SNX29: variants seen among roughly 807,000 people sequenced by gnomAD.
SNX29 encodes sorting nexin-29.
A neutral mutation model predicts 102.1 loss-of-function variants in SNX29; 78 were observed. The ratio of observed to expected loss-of-function variants is 0.76; its 90% CI spans 0.64 to 0.92. SNX29 has a LOEUF of 0.92. Among genes scored for constraint, SNX29 ranks in the 40% least tolerant of loss-of-function variants. The pLI, the probability that SNX29 is intolerant of heterozygous loss-of-function variation, is 0.00. For synonymous variants in SNX29, 580 were observed against 414.5 expected, an observed-to-expected ratio of 1.40 and a Z score of -4.85; for missense variants, 1,280 against 1,061.7, an observed-to-expected ratio of 1.21 and a Z score of -2.86.
At chr16:12,117,107 T>C (rs1398396521) in intron 11 of SNX29, among the ~76,000 whole-genome samples, 16 of 113,504 alleles carry the variant, frequency 1.4e-4, no homozygotes, top group East Asian at 3.1e-4. Flanking sequence ...CGTGCTTCAG[T>C]GCGGACGAAC....
At chr16:12,113,910 T>C (rs1288093630) in intron 11 of SNX29, among the ~76,000 whole-genome samples, 2 of 152,236 alleles carry the variant, frequency 1.3e-5, no homozygotes, top group African/African-American at 4.8e-5. Flanking sequence ...ATCTGAGAGC[T>C]AGAAGGATTC....
chr16:12,457,911 G>T (rs1163763471), intron 18 of SNX29, among the ~76,000 whole-genome samples: 1 of 152,190 alleles, frequency 6.6e-6, no homozygotes, highest in African/African-American at 2.4e-5. Context: ...TCCTCGTGAT[G>T]ACTAATACAT....
chr16:12,210,622 C>T (rs1309449162), intron 14 of SNX29, among the ~76,000 whole-genome samples: 2 of 152,118 alleles, frequency 1.3e-5, no homozygotes, highest in Non-Finnish European at 2.9e-5. Flanking sequence ...GAGCTTCCAC[C>T]ACCTTTCTGG....
chr16:12,311,067 T>C (rs765305168), intron 15 of SNX29, among the ~76,000 whole-genome samples: 1 of 152,220 alleles, frequency 6.6e-6, no homozygotes, highest in Non-Finnish European at 1.5e-5. Context: ...ATAAGGTTTC[T>C]TGTAAAAAGA....
chr16:12,393,572 GA>G (rs1279885134), intron 16 of SNX29, among the ~76,000 whole-genome samples: 1 of 152,162 alleles, frequency 6.6e-6, no homozygotes, highest in African/African-American at 2.4e-5. Flanking sequence ...AACCAGCGTG[GA>G]GTCATTACAA....
intron 13 of SNX29, among the ~76,000 whole-genome samples, chr16:12,180,679 G>T (rs2076363394): frequency 6.6e-6 from 1 of 152,122 alleles, no homozygotes; most frequent in Non-Finnish European, 1.5e-5. Context: ...TAGAGACGGG[G>T]TTTCACCGTG....
chr16:12,494,476 G>A (rs1234203598), intron 19 of SNX29, among the ~76,000 whole-genome samples: 3 of 152,156 alleles, frequency 2.0e-5, no homozygotes, highest in Admixed American at 6.5e-5. Flanking sequence ...ACGTTGGGCC[G>A]CAGATTGCAT....
At chr16:12,287,093 A>G (rs2079622504) in intron 15 of SNX29, among the ~76,000 whole-genome samples, 1 of 152,238 alleles carries the variant, frequency 6.6e-6, no homozygotes, top group Non-Finnish European at 1.5e-5. Flanking sequence ...CATTTATGCA[A>G]GATGGCTAAG....
At chr16:12,529,138 C>G (rs2076865056) in intron 20 of SNX29, among the ~76,000 whole-genome samples, 1 of 152,320 alleles carries the variant, frequency 6.6e-6, no homozygotes, top group South Asian at 2.1e-4. Flanking sequence ...CGTTGCCTCC[C>G]TTGCTAATGC....
At chr16:11,986,487 T>C (rs1410999783) in intron 1 of SNX29, among the ~76,000 whole-genome samples, 1 of 152,176 alleles carries the variant, frequency 6.6e-6, no homozygotes, top group African/African-American at 2.4e-5. Context: ...TTTGTAGGTA[T>C]TCCTCTTCTG....
At chr16:12,075,810 G>A (rs2151325304) in intron 10 of SNX29, among the ~76,000 whole-genome samples, 1 of 152,364 alleles carries the variant, frequency 6.6e-6, no homozygotes, top group South Asian at 2.1e-4. Flanking sequence ...GAGCTGTGGT[G>A]AGCTCCACCC....
At chr16:12,276,014 C>T (rs2079239665) in intron 14 of SNX29, among the ~76,000 whole-genome samples, 1 of 151,606 alleles carries the variant, frequency 6.6e-6, no homozygotes, top group African/African-American at 2.4e-5. Context: ...TGCTTCAGCC[C>T]TCCGAGTAGC....
At chr16:12,553,425 C>A (rs533489614) in intron 20 of SNX29, among the ~76,000 whole-genome samples, 5 of 152,182 alleles carry the variant, frequency 3.3e-5, no homozygotes, top group African/African-American at 1.2e-4. Context: ...CCAGGTCTGA[C>A]ACACTCCAAC....
intron 14 of SNX29, among the ~76,000 whole-genome samples, chr16:12,261,430 C>A (rs1004094433): frequency 1.5e-5 from 2 of 130,600 alleles, no homozygotes; most frequent in African/African-American, 6.0e-5. Context: ...GAGCTCCGGT[C>A]TGTGCACGTG....
At chr16:12,145,662 A>T (rs1186443394) in intron 13 of SNX29, among the ~76,000 whole-genome samples, 1 of 151,978 alleles carries the variant, frequency 6.6e-6, no homozygotes. Flanking sequence ...TATGTATTTT[A>T]TATAATTCAG....
At chr16:12,545,769 T>G (rs1432695467) in intron 20 of SNX29, among the ~76,000 whole-genome samples, 1 of 152,026 alleles carries the variant, frequency 6.6e-6, no homozygotes, top group East Asian at 1.9e-4. Context: ...GAGGCAGCTT[T>G]TAAACAGTAC....
chr16:12,078,822 C>T lies in SNX29; in HGVS notation c.1320-11C>T, dbSNP rs1159960291. ...GCCGAGTGTAACTTCCTCCTGCCTG[C>T]TTTTTCCTAGTGTGGAAGCCAGCTC... On this transcript the variant is annotated splice_polypyrimidine_tract_variant and intron_variant, in intron 10 of 20. Coordinates refer to ENST00000566228, the MANE Select transcript of SNX29 (RefSeq NM_032167.5). 3 of 1,593,490 alleles carry T rather than the reference C, an allele frequency of 1.9e-6. No homozygotes were observed. In the South Asian group the frequency reaches 3.4e-5, roughly 18 times the overall value.
At chr16:12,370,273 A>G (rs1309101714) in intron 16 of SNX29, among the ~76,000 whole-genome samples, 1 of 151,638 alleles carries the variant, frequency 6.6e-6, no homozygotes, top group Non-Finnish European at 1.5e-5. Flanking sequence ...CAACAAAAAT[A>G]AAGGTGGCTG....
Position 12,569,664 on chromosome 16 carries a change from A to AG in SNX29, c.*1037dup, listed in dbSNP as rs564707908. ...CAGAGTCCTCTGTTCCTCCCATGTC[A>AG]GGTGGCTCTCAGAGTACAGGGACCT... On this transcript the variant is annotated 3_prime_UTR_variant, in exon 21 of 21. Coordinates refer to ENST00000566228, the MANE Select transcript of SNX29 (RefSeq NM_032167.5). The AG allele has an allele frequency of 4.6e-4, 106 of 229,688 alleles. 1 individual carries two copies. Among genetic ancestry groups the AG allele is most frequent in the African/African-American group, 2.1e-3 (94 of 45,244 alleles). 14.2% of individuals were successfully genotyped at this position (229,688 alleles called of 1,614,324 possible).
Sources: allele counts gnomAD v4.1 joint callset (sites outside exome capture counted in the v4.1 genomes callset), GRCh38; gene constraint gnomAD v4.1.1; transcripts MANE v1.5; gene names NCBI Gene and HGNC (gene_info 2026-07-23, HGNC 2026-07-21).